CGGBP1: variants seen among roughly 807,000 people sequenced by gnomAD.
The protein encoded by CGGBP1 is CGG triplet repeat binding protein 1.
CGGBP1 carries 4 observed loss-of-function variants against 11.4 expected under a neutral mutation model. The observed-to-expected ratio is 0.35, with a 90% CI of 0.17 to 0.80. The LOEUF is 0.80. CGGBP1 is among the 30% of genes least tolerant of loss of function. The pLI is 0.52. For synonymous variants in CGGBP1, 76 were observed against 74.1 expected (o/e 1.03, Z -0.13); for missense variants, 135 against 202.1 (o/e 0.67, Z 2.01).
chr3:88,080,135 G>A (rs979867245), intron 2 of CGGBP1, among the ~76,000 whole-genome samples: 3 of 151,994 alleles, frequency 2.0e-5, no homozygotes, highest in African/African-American at 7.2e-5. Context: ...TTATATTGCT[G>A]TATGTAGGAT....
chr3:88,055,740 C>T lies in CGGBP1; in HGVS notation c.237G>A (p.Val79=). 1 of 1,614,204 alleles carries T rather than the reference C, an allele frequency of 6.2e-7. No homozygotes were observed. The highest frequency in any genetic ancestry group is 8.5e-7 in the Non-Finnish European group (1 of 1,180,020). ...CAGTTAGGGGCCTCTGCTTCTTTCT[C>T]ACATTCTGCTCTTCAAATTCTGCCT... ...KRKAEFEEQN[V]RKKQRPLTAS... is the part of the protein sequence containing the mutation. Residue 79 remains valine, a synonymous_variant, in exon 4 of 4, where the codon GTG becomes GTA. Coordinates refer to ENST00000482016, the MANE Select transcript of CGGBP1 (RefSeq NM_001008390.2). The surrounding 1 kb of genome is among the most constrained non-coding windows in gnomAD (Gnocchi z 4.2).
At chr3:88,117,542 T>A (rs1427507110) in intron 2 of CGGBP1, among the ~76,000 whole-genome samples, 1 of 152,082 alleles carries the variant, frequency 6.6e-6, no homozygotes, top group East Asian at 1.9e-4. Context: ...CAAAGTAGTA[T>A]GCCAGGTGAT....
intron 2 of CGGBP1, among the ~76,000 whole-genome samples, chr3:88,077,602 G>T (rs1707882140): frequency 6.6e-6 from 1 of 152,050 alleles, no homozygotes; most frequent in Non-Finnish European, 1.5e-5. Flanking sequence ...TTGCATTTGT[G>T]GGAATGTCAG....
At chr3:88,068,565 T>C (rs1341125274) in intron 2 of CGGBP1, among the ~76,000 whole-genome samples, 1 of 152,214 alleles carries the variant, frequency 6.6e-6, no homozygotes, top group Non-Finnish European at 1.5e-5. Context: ...ATATTATAAA[T>C]ACTCTTCCCA....
chr3:88,117,532 C>T (rs879461961), intron 2 of CGGBP1, among the ~76,000 whole-genome samples: 5 of 151,910 alleles, frequency 3.3e-5, no homozygotes, highest in Non-Finnish European at 7.4e-5. Context: ...ATCAGGACAA[C>T]AAAGTAGTAT....
chr3:88,141,167 A>G (rs1034027434), intron 1 of CGGBP1: 8 of 1,137,298 alleles, frequency 7.0e-6, no homozygotes, highest in Non-Finnish European at 9.7e-6. Flanking sequence ...GTAGTGAAGC[A>G]TTACTCCATA....
chr3:88,088,866 G>T (rs1426413960), intron 2 of CGGBP1, among the ~76,000 whole-genome samples: 3 of 151,788 alleles, frequency 2.0e-5, no homozygotes, highest in Admixed American at 6.6e-5. Flanking sequence ...TACATCTCCT[G>T]GGTTCAAGCA....
rs1706519523 is a variant in CGGBP1, at chr3:88,055,452, ACAATGGTGGTAACCT to A, written c.*6_*20del. On this transcript the variant is annotated 3_prime_UTR_variant, in exon 4 of 4. Coordinates refer to ENST00000482016, the MANE Select transcript of CGGBP1 (RefSeq NM_001008390.2). This position sits in a 1 kb window ranked among gnomAD's most constrained non-coding sequence, Gnocchi z 4.2. ...TTAATACTCCACATTTATCTTGATC[ACAATGGTGGTAACCT>A]CCTAGTCAACAATCTTGTGAGTTGA... is the stretch of plus-strand genomic sequence containing the variant. 1 of 1,501,452 alleles carries A rather than the reference ACAATGGTGGTAACCT, an allele frequency of 6.7e-7. No individual in the cohort carries two copies. Among genetic ancestry groups the A allele is most frequent in the African/African-American group, 1.4e-5 (1 of 71,500 alleles). 93.0% of individuals were successfully genotyped at this position (1,501,452 alleles called of 1,614,324 possible).
At chr3:88,080,846 C>T (rs761104360) in intron 2 of CGGBP1, among the ~76,000 whole-genome samples, 39 of 152,104 alleles carry the variant, frequency 2.6e-4, no homozygotes, top group Non-Finnish European at 4.3e-4. Flanking sequence ...TAAAACTGAA[C>T]TAATTTTAGA....
chr3:88,125,263 T>C (rs1454533892), intron 2 of CGGBP1, among the ~76,000 whole-genome samples: 3 of 151,118 alleles, frequency 2.0e-5, no homozygotes, highest in Admixed American at 2.0e-4. Flanking sequence ...TAATAAAGTA[T>C]GTAATGAGCC....
chr3:88,105,652 G>A (rs1457177088), intron 2 of CGGBP1, among the ~76,000 whole-genome samples: 2 of 152,108 alleles, frequency 1.3e-5, no homozygotes, highest in African/African-American at 4.8e-5. Flanking sequence ...ATCTGGCCTT[G>A]TATATCTCTG....
intron 1 of CGGBP1, chr3:88,141,653 T>C: frequency 6.6e-7 from 1 of 1,510,922 alleles, no homozygotes; most frequent in Non-Finnish European, 9.0e-7. Context: ...AGGTGCCTGA[T>C]GAAAACGGTT....
intron 2 of CGGBP1, among the ~76,000 whole-genome samples, chr3:88,121,539 T>C (rs373913984): frequency 6.6e-6 from 1 of 152,090 alleles, no homozygotes; most frequent in Non-Finnish European, 1.5e-5. Context: ...TTTTTGAAAA[T>C]ACCAGGTAAA....
chr3:88,095,757 A>G (rs1166986364), intron 2 of CGGBP1: 2 of 397,224 alleles, frequency 5.0e-6, no homozygotes, highest in African/African-American at 2.2e-5. Flanking sequence ...ACCCTCCTTC[A>G]TCATCTTAAA....
At chr3:88,087,587 A>G (rs548813058) in intron 2 of CGGBP1, among the ~76,000 whole-genome samples, 3 of 152,330 alleles carry the variant, frequency 2.0e-5, no homozygotes, top group African/African-American at 7.2e-5. Context: ...AGATAGAGGA[A>G]TGGTCATTGC....
chr3:88,083,923 C>A (rs1190164555), intron 2 of CGGBP1, among the ~76,000 whole-genome samples: 1 of 129,130 alleles, frequency 7.7e-6, no homozygotes, highest in African/African-American at 2.8e-5. Flanking sequence ...TTTAATAGGA[C>A]AATGTAATGT....
rs201834920 is a variant in CGGBP1, at chr3:88,095,639, A to G, written c.-228-37416T>C. On this transcript the variant is annotated intron_variant, in intron 2 of 3. Coordinates refer to the CGGBP1 transcript ENST00000462901. ...GTTCTAGTCTTATCTCGAAGCCCCA[A>G]GCAATATCATCACTCTGTTCTCTTT... 38 of 506,548 alleles carry G rather than the reference A, an allele frequency of 7.5e-5. No homozygotes were observed. In the East Asian group the frequency reaches 1.7e-3, roughly 22 times the overall value. 31.4% of individuals were successfully genotyped at this position (506,548 alleles called of 1,614,324 possible). A position where few individuals can be genotyped will look rare whatever the true frequency, so the allele number is the denominator to read the frequency against.
chr3:88,119,695 C>CA (rs975540707), intron 2 of CGGBP1, among the ~76,000 whole-genome samples: 3 of 152,086 alleles, frequency 2.0e-5, no homozygotes, highest in Non-Finnish European at 4.4e-5. Flanking sequence ...AACCTGTGCT[C>CA]AAAAAATCTT....
At chr3:88,090,580 A>G (rs1036793272) in intron 2 of CGGBP1, among the ~76,000 whole-genome samples, 3 of 150,506 alleles carry the variant, frequency 2.0e-5, no homozygotes, top group Admixed American at 6.6e-5. Context: ...AAAAATTTTT[A>G]TAAGTGCGGT....
Sources: allele counts gnomAD v4.1 joint callset (sites outside exome capture counted in the v4.1 genomes callset), GRCh38; gene constraint gnomAD v4.1.1; non-coding constraint Gnocchi (gnomAD v3.1); transcripts MANE v1.5; gene names NCBI Gene and HGNC (gene_info 2026-07-23, HGNC 2026-07-21).